PNPLA6: variants seen among roughly 807,000 people sequenced by gnomAD.
PNPLA6 encodes the protein patatin-like phospholipase domain-containing protein 6.
A neutral mutation model predicts 153.7 loss-of-function variants in PNPLA6; 105 were observed. That is an observed-to-expected ratio of 0.68 (90% CI 0.58 to 0.80). The LOEUF is 0.80. PNPLA6 is among the 30% of genes least tolerant of loss of function. The probability of loss-of-function intolerance (pLI) is 0.00; values close to 1 mark genes in which losing one functional copy is unlikely to be tolerated. For synonymous variants in PNPLA6, 825 were observed against 822.2 expected (o/e 1.00, Z -0.06); for missense variants, 1,423 against 1,919.3 (o/e 0.74, Z 4.83).
intron 3 of PNPLA6, among the ~76,000 whole-genome samples, chr19:7,539,050 T>C (rs2023001800): frequency 6.6e-6 from 1 of 152,240 alleles, no homozygotes; most frequent in Admixed American, 6.5e-5. Context: ...AAGGGCCAGA[T>C]AGTAAATGTT....
intron 27 of PNPLA6, among the ~76,000 whole-genome samples, chr19:7,558,172 A>G (rs1311247781): frequency 2.0e-5 from 3 of 152,240 alleles, no homozygotes; most frequent in African/African-American, 7.2e-5. Flanking sequence ...TTATGGGTGC[A>G]GGTGAGAAGC....
rs777094653 is a variant in PNPLA6, at chr19:7,550,080, C to T, written c.1782C>T (p.Thr594=). 22 of 1,614,020 alleles carry T rather than the reference C, an allele frequency of 1.4e-5. No homozygotes were observed. Among genetic ancestry groups the T allele is most frequent in the Non-Finnish European group, 1.6e-5 (19 of 1,180,058 alleles). ...CACTGCGAGCCCAACGCGACTGCAC[C>T]TTCCTGCGGATCTCCAAGTCCGACT... ...IFTLRAQRDC[T]FLRISKSDFY... is the part of the protein sequence containing the mutation. The change falls in exon 14 of 32, where the codon ACC becomes ACT. Residue 594 remains threonine (T), a synonymous_variant. Transcript: ENST00000600737.
Position 7,561,292 on chromosome 19 carries a change from C to T in PNPLA6, c.3998C>T (p.Ala1333Val). 1 of 1,606,948 alleles carries T rather than the reference C, an allele frequency of 6.2e-7. No homozygotes were observed. ...SRDEGGSPEG[A>V]SPSTASEMEE... is the part of the protein sequence containing the mutation. ...GATGAAGGGGGGTCCCCCGAGGGCG[C>T]AAGCCCCAGCACTGCCTCCGAGATG... The change falls in exon 31 of 32, where the codon GCA becomes GTA. Residue 1333 changes from alanine to valine, a missense_variant. Physicochemically the swap from Ala to Val is moderately conservative, Grantham distance 64. Around this residue, in one of 10 missense-constraint regions of PNPLA6, gnomAD observed 643 missense variants for 835.2 expected, o/e 0.77. Coordinates refer to ENST00000600737, the MANE Select transcript of PNPLA6 (RefSeq NM_001166114.2).
intron 14 of PNPLA6, 56 bp from the exon 15 acceptor site, chr19:7,550,242 G>T (rs749387990): frequency 7.3e-5 from 118 of 1,612,326 alleles, no homozygotes; most frequent in Admixed American, 3.2e-4. Flanking sequence ...GCCTCCCAGC[G>T]CCGGTGTAGG....
intron 13 of PNPLA6, among the ~76,000 whole-genome samples, chr19:7,549,210 G>A (rs35896812): frequency 0.67 from 95,393 of 141,546 alleles, 32,691 homozygotes; most frequent in South Asian, 0.78. Flanking sequence ...TTTTTGAGAC[G>A]GAGTCTCGCT....
At chr19:7,535,681 CT>C, upstream of PNPLA6, 1 of 1,531,098 alleles carries the variant, frequency 6.5e-7, no homozygotes, top group South Asian at 1.2e-5. The surrounding 1 kb of genome is among the most constrained non-coding windows in gnomAD (Gnocchi z 5.0). Context: ...CGATAACGCG[CT>C]GCGTCCGCTC....
At chr19:7,558,095 G>T (rs1333040291) in intron 27 of PNPLA6, among the ~76,000 whole-genome samples, 1 of 152,210 alleles carries the variant, frequency 6.6e-6, no homozygotes, top group African/African-American at 2.4e-5. Flanking sequence ...CCTCAAACAC[G>T]CAGGGATGTG....
At chr19:7,545,811 C>T (rs888812667) in intron 13 of PNPLA6, among the ~76,000 whole-genome samples, 2 of 150,466 alleles carry the variant, frequency 1.3e-5, no homozygotes, top group Non-Finnish European at 2.9e-5. Context: ...ACTCGGGAGC[C>T]TGAGGCAGGA....
intron 27 of PNPLA6, 137 bp from the exon 28 acceptor site, chr19:7,558,713 A>G: frequency 3.0e-6 from 2 of 667,252 alleles, no homozygotes; most frequent in South Asian, 1.7e-5. Flanking sequence ...GCATGACAGC[A>G]TGGTGTTTGC....
Position 7,541,817 on chromosome 19 carries a change from C to A in PNPLA6, c.1168+133C>A. 3 of 1,146,420 alleles carry A rather than the reference C, an allele frequency of 2.6e-6. No individual in the cohort carries two copies. The highest frequency in any genetic ancestry group is 2.5e-6 in the Non-Finnish European group (2 of 792,482). The allele number at this position is 1,146,420 out of a possible 1,614,324, so 71.0% of individuals were successfully genotyped here. Reference sequence around the variant, plus strand: ...CCACAGGGACTCCATAGCGGGGTACCCAGGTCTGACTCCTATCTGGTACCG... The same window carrying A: ...CCACAGGGACTCCATAGCGGGGTACACAGGTCTGACTCCTATCTGGTACCG... On this transcript the variant is annotated intron_variant, in intron 9 of 31. Coordinates refer to ENST00000600737, the MANE Select transcript of PNPLA6 (RefSeq NM_001166114.2). The surrounding 1 kb of genome is among the most constrained non-coding windows in gnomAD (Gnocchi z 5.2).
intron 13 of PNPLA6, among the ~76,000 whole-genome samples, chr19:7,549,315 T>G (rs2023536947): frequency 6.7e-6 from 1 of 149,832 alleles, no homozygotes; most frequent in South Asian, 2.1e-4. Context: ...GCCTCCCAAG[T>G]AGCTGGGACT....
At chr19:7,551,257 G>GACCCAGGTAACGGGC in intron 17 of PNPLA6, 105 bp from the exon 18 acceptor site, 1 of 1,230,178 alleles carries the variant, frequency 8.1e-7, no homozygotes, top group Non-Finnish European at 1.2e-6. Flanking sequence ...TCGGGGGTGG[G>GACCCAGGTAACGGGC]ACCCAGGTAA....
chr19:7,535,584 G>A (rs1343049653), upstream of PNPLA6: 9 of 1,604,180 alleles, frequency 5.6e-6, no homozygotes, highest in Admixed American at 3.4e-5. This position sits in a 1 kb window ranked among gnomAD's most constrained non-coding sequence, Gnocchi z 5.0. Context: ...AATGGTAAGG[G>A]GTGGGGCGGA....
Position 7,541,317 on chromosome 19 carries a change from C to G in PNPLA6, c.925-37C>G. On this transcript the variant is annotated intron_variant, in intron 7 of 31. Transcript: ENST00000600737. The surrounding 1 kb of genome is among the most constrained non-coding windows in gnomAD (Gnocchi z 5.2). ...CACCATCTGGCCCTGCCCCTTACCC[C>G]GCCCCATCTTATGGCCACGCCCCTC... is the stretch of plus-strand genomic sequence containing the variant. 6.3e-7 allele frequency: 1 copy of G among 1,581,510 alleles called. No individual in the cohort carries two copies. The highest frequency in any genetic ancestry group is 8.7e-7 in the Non-Finnish European group (1 of 1,152,806).
In PNPLA6 at chr19:7,555,407, G is replaced by A. The variant is rs1029091176; in HGVS notation, c.2936+40G>A. ...TGCTCTCTGGGGGCGGGGCCTGGAT[G>A]TCCGAGGGTGGAGCTTCCTGGGAGA... On this transcript the variant is annotated intron_variant, in intron 23 of 31. Transcript: ENST00000600737. This position sits in a 1 kb window ranked among gnomAD's most constrained non-coding sequence, Gnocchi z 6.3. 3.4e-5 allele frequency: 49 copies of A among 1,435,182 alleles called. No homozygotes were observed. The highest frequency in any genetic ancestry group is 4.5e-5 in the Non-Finnish European group (47 of 1,050,996). 88.9% of individuals were successfully genotyped at this position (1,435,182 alleles called of 1,614,324 possible).
At chr19:7,551,165 G>A (rs1414333132) in intron 17 of PNPLA6, 58 bp downstream of exon 17, 2 of 1,033,832 alleles carry the variant, frequency 1.9e-6, no homozygotes, top group African/African-American at 1.6e-5. Flanking sequence ...GGGGGTGGGG[G>A]CCGGGCCTAG....
chr19:7,557,361 G>C, intron 27 of PNPLA6, 77 bp downstream of exon 27: 3 of 927,480 alleles, frequency 3.2e-6, no homozygotes, highest in Non-Finnish European at 5.2e-6. Flanking sequence ...GGCACACACA[G>C]ACAGGCTCGA....
At position 7,555,084 on chromosome 19, in the gene PNPLA6, C is replaced by T. The variant is rs1283951668; in HGVS notation, c.2817+9C>T. The T allele has an allele frequency of 2.5e-6, 4 of 1,591,740 alleles. No individual in the cohort carries two copies. Among genetic ancestry groups the T allele is most frequent in the South Asian group, 2.2e-5 (2 of 89,820 alleles). ...GCAGCCCTGCCAAGCTGGTGAGGAG[C>T]GGGCCGGCCCCCACCTTCTAGGGGC... On this transcript the variant is annotated intron_variant, in intron 22 of 31. Coordinates refer to ENST00000600737, the MANE Select transcript of PNPLA6 (RefSeq NM_001166114.2). The surrounding 1 kb of genome is among the most constrained non-coding windows in gnomAD (Gnocchi z 6.3).
At chr19:7,554,077 A>G in intron 19 of PNPLA6, 62 bp downstream of exon 19, 1 of 1,572,288 alleles carries the variant, frequency 6.4e-7, no homozygotes, top group Non-Finnish European at 8.7e-7. Flanking sequence ...TGAGTGAGAG[A>G]TGTTAGGGTA....
Sources: gnomAD v4.1 joint callset for allele counts (sites outside exome capture counted in the v4.1 genomes callset) on GRCh38, gnomAD v4.1.1 for gene constraint, gnomAD v4.1.1 regional missense constraint, Gnocchi (gnomAD v3.1) non-coding constraint, MANE v1.5 for transcripts, NCBI Gene and HGNC (gene_info 2026-07-23, HGNC 2026-07-21) for gene names.